The following VPS35L variants were observed in gnomAD, a reference collection of about 807,000 sequenced individuals.
The protein encoded by VPS35L is VPS35 endosomal protein-sorting factor-like.
In VPS35L, 83 loss-of-function variants were observed where a neutral mutation model predicts 133.0. That is an observed-to-expected ratio of 0.62 (90% CI 0.52 to 0.75). VPS35L has a LOEUF of 0.75. VPS35L is among the 30% of genes least tolerant of loss of function. The probability of loss-of-function intolerance (pLI) is 0.00; values close to 1 mark genes in which losing one functional copy is unlikely to be tolerated. For missense variants in VPS35L, 1,083 were observed against 1,206.8 expected, an observed-to-expected ratio of 0.90 and a Z score of 1.52; for synonymous variants, 423 against 449.9, an observed-to-expected ratio of 0.94 and a Z score of 0.76.
At position 19,682,217 on chromosome 16, in the gene VPS35L, T is replaced by C. The variant is rs112984771; in HGVS notation, c.2362-8T>C. 29,260 of 1,607,660 alleles carry C rather than the reference T, an allele frequency of 0.018. 1,043 individuals carry two copies. The highest frequency in any genetic ancestry group is 0.15 in the African/African-American group (10,983 of 74,776). On this transcript the variant is annotated splice_region_variant and splice_polypyrimidine_tract_variant and intron_variant, in intron 27 of 30. Transcript: ENST00000417362. ...GGATTATTTATCCTTTTTTCGGTTC[T>C]CTGCTAGGATCATCCTGAACATGGG...
chr16:19,673,453 A>G (rs549531599), intron 27 of VPS35L, among the ~76,000 whole-genome samples: 1 of 152,318 alleles, frequency 6.6e-6, no homozygotes, highest in South Asian at 2.1e-4. Flanking sequence ...CTCTGGACCC[A>G]TTAACCCCAT....
intron 1 of VPS35L, among the ~76,000 whole-genome samples, chr16:19,563,931 C>T (rs1301997197): frequency 5.9e-5 from 9 of 152,210 alleles, no homozygotes; most frequent in Admixed American, 3.9e-4. Context: ...CTGTGCTTGG[C>T]GTCAGCCTCT....
chr16:19,658,484 C>A (rs910814051), intron 26 of VPS35L, among the ~76,000 whole-genome samples: 1 of 152,074 alleles, frequency 6.6e-6, no homozygotes. Context: ...GAGCCAAGAT[C>A]GCACCACTGT....
At chr16:19,559,747 C>T (rs1198644352) in intron 1 of VPS35L, among the ~76,000 whole-genome samples, 2 of 151,958 alleles carry the variant, frequency 1.3e-5, no homozygotes, top group African/African-American at 2.4e-5. Flanking sequence ...TCTCGCCTGC[C>T]GTAATCTCAG....
intron 28 of VPS35L, among the ~76,000 whole-genome samples, chr16:19,689,654 A>G (rs991774924): frequency 6.6e-6 from 1 of 152,146 alleles, no homozygotes; most frequent in East Asian, 1.9e-4. Context: ...GAAATAATTC[A>G]TAAGTTTTAA....
At chr16:19,686,107 T>TCCACTTA (rs1975449813) in intron 28 of VPS35L, among the ~76,000 whole-genome samples, 1 of 152,158 alleles carries the variant, frequency 6.6e-6, no homozygotes, top group Non-Finnish European at 1.5e-5. Flanking sequence ...AGTCCAGCTG[T>TCCACTTA]GTTTACTTTG....
At chr16:19,696,987 G>A (rs1227060337) in intron 29 of VPS35L, among the ~76,000 whole-genome samples, 1 of 152,216 alleles carries the variant, frequency 6.6e-6, no homozygotes, top group African/African-American at 2.4e-5. Flanking sequence ...AGGTTAAAAG[G>A]AGAGCAGGAT....
rs111488154 is a variant in VPS35L at position 19,627,151 on chromosome 16, C to T, written c.1272-543C>T. Among the ~76,000 whole-genome samples the T allele has an allele frequency of 5.7e-3, 864 of 151,768 alleles. 9 individuals are homozygous for T. The highest frequency in any genetic ancestry group is 0.02 in the African/African-American group (816 of 41,386). On this transcript the variant is annotated intron_variant, in intron 15 of 30. Transcript: ENST00000417362. The stretch of plus-strand genomic sequence containing the variant: ...ACATAAAATTAGCCGAGCATGGTGG[C>T]GCATGCCTGTAATCTCAGTTACTTG...
chr16:19,691,576 G>A (rs1975688906), intron 29 of VPS35L, 105 bp downstream of exon 29: 5 of 850,590 alleles, frequency 5.9e-6, no homozygotes, highest in Non-Finnish European at 9.7e-6. Flanking sequence ...TGTCATGTGA[G>A]TAATGTGTTT....
At chr16:19,601,545 C>A in intron 8 of VPS35L, 119 bp from the exon 9 acceptor site, 2 of 930,406 alleles carry the variant, frequency 2.1e-6, no homozygotes, top group Non-Finnish European at 3.2e-6. Flanking sequence ...GGCAGCATAC[C>A]ATCACAAGTT....
At chr16:19,582,547 C>A (rs1386810275) in intron 7 of VPS35L, among the ~76,000 whole-genome samples, 1 of 152,180 alleles carries the variant, frequency 6.6e-6, no homozygotes, top group Non-Finnish European at 1.5e-5. Context: ...GCCCGTTTCT[C>A]TTCAATCACT....
intron 27 of VPS35L, among the ~76,000 whole-genome samples, chr16:19,679,499 ATTTATTTATTTATTTATTTT>A (rs1284473652): frequency 1.3e-4 from 18 of 135,014 alleles, no homozygotes; most frequent in East Asian, 4.4e-4. Flanking sequence ...TTATTTATTT[ATTTATTTATTTATTTATTTT>A]TTTGGAGACA....
intron 9 of VPS35L, among the ~76,000 whole-genome samples, chr16:19,605,298 A>T (rs1428767385): frequency 6.6e-6 from 1 of 152,206 alleles, no homozygotes; most frequent in East Asian, 1.9e-4. Flanking sequence ...TAGAAAAAAA[A>T]TCTCTGTTCT....
intron 6 of VPS35L, among the ~76,000 whole-genome samples, chr16:19,581,233 GA>G (rs1971699267): frequency 6.6e-6 from 1 of 152,146 alleles, no homozygotes; most frequent in African/African-American, 2.4e-5. Flanking sequence ...GCTGTGAGAG[GA>G]AAATAGCTTA....
At chr16:19,601,441 G>A (rs907821523) in intron 8 of VPS35L, among the ~76,000 whole-genome samples, 2 of 152,044 alleles carry the variant, frequency 1.3e-5, no homozygotes, top group South Asian at 2.1e-4. Flanking sequence ...AGGGTAAAAC[G>A]ATCACTTTTC....
chr16:19,645,122 G>A (rs1303967419), intron 23 of VPS35L, among the ~76,000 whole-genome samples, 173 bp downstream of exon 23: 1 of 151,424 alleles, frequency 6.6e-6, no homozygotes, highest in Non-Finnish European at 1.5e-5. Context: ...GGCAAAGAGA[G>A]CCAAGACAAA....
At chr16:19,690,957 G>A (rs140854472) in intron 28 of VPS35L, among the ~76,000 whole-genome samples, 1,652 of 140,930 alleles carry the variant, frequency 0.012, 29 homozygotes, top group African/African-American at 0.04. Context: ...GAGAGACTCC[G>A]TCTCAAAAAA....
intron 28 of VPS35L, among the ~76,000 whole-genome samples, chr16:19,690,927 A>T (rs1318585792): frequency 6.6e-6 from 1 of 151,594 alleles, no homozygotes. Flanking sequence ...GTGCCACTGC[A>T]CTCCAGCCTG....
chr16:19,635,820 G>T (rs563654360), intron 19 of VPS35L, among the ~76,000 whole-genome samples: 18 of 152,252 alleles, frequency 1.2e-4, no homozygotes, highest in Admixed American at 9.2e-4. Flanking sequence ...TGATGGATTT[G>T]GGTAAAGAAT....
Sources: allele counts gnomAD v4.1 joint callset (sites outside exome capture counted in the v4.1 genomes callset), GRCh38; gene constraint gnomAD v4.1.1; transcripts MANE v1.5; gene names NCBI Gene and HGNC (gene_info 2026-07-23, HGNC 2026-07-21).